Variants in AK8 observed in about 807,000 individuals in gnomAD.
The protein encoded by AK8 is ATP-AMP transphosphorylase 8.
Under a neutral mutation model 54.6 loss-of-function variants are expected in AK8, and 44 were observed. The ratio of observed to expected loss-of-function variants is 0.81; its 90% CI spans 0.63 to 1.04. The LOEUF is 1.04. Among genes scored for constraint, AK8 ranks in the 50% least tolerant of loss-of-function variants. The pLI is 0.00. For missense variants in AK8, 555 were observed against 613.6 expected, an observed-to-expected ratio of 0.90 and a Z score of 1.01; for synonymous variants, 239 against 245.6, an observed-to-expected ratio of 0.97 and a Z score of 0.25.
chr9:132,813,482 T>C (rs184792107), intron 10 of AK8, among the ~76,000 whole-genome samples: 9 of 152,358 alleles, frequency 5.9e-5, no homozygotes, highest in African/African-American at 7.2e-5. Flanking sequence ...CTCACTATAA[T>C]GGCAGCTGCT....
intron 11 of AK8, among the ~76,000 whole-genome samples, chr9:132,739,144 C>T (rs1477204889): frequency 1.3e-5 from 2 of 151,484 alleles, no homozygotes; most frequent in African/African-American, 4.8e-5. Context: ...AAAAAGACTG[C>T]AACATTAAGA....
chr9:132,825,347 C>T (rs1034397623), intron 8 of AK8, among the ~76,000 whole-genome samples: 1 of 152,184 alleles, frequency 6.6e-6, no homozygotes, highest in Non-Finnish European at 1.5e-5. Flanking sequence ...CAGACACTCA[C>T]ATTTTTATTT....
chr9:132,830,795 G>A (rs906847614), intron 5 of AK8, among the ~76,000 whole-genome samples: 2 of 152,176 alleles, frequency 1.3e-5, no homozygotes, highest in African/African-American at 4.8e-5. Flanking sequence ...CAAATGAATC[G>A]CTGCTTTCGT....
chr9:132,742,111 C>T (rs115102174), intron 11 of AK8, among the ~76,000 whole-genome samples: 1,744 of 151,974 alleles, frequency 0.011, 36 homozygotes, highest in African/African-American at 0.04. Context: ...CCAAACAGTG[C>T]TCCATTCTTT....
rs1156376930 is a variant in AK8 at position 132,828,662 on chromosome 9, A to AT, written c.466dup (p.Ile156AsnfsTer38). On this transcript the variant is annotated frameshift_variant, in exon 6 of 13. Coordinates refer to ENST00000298545, the MANE Select transcript of AK8 (RefSeq NM_152572.3). LOFTEE classifies it high-confidence loss of function. ...CTACTCACTGACGTGTCTGGGTGTGATCCCCAGGGTCTGGATCCTCAGAGC... is the reference window on the plus strand; with the variant it reads ...CTACTCACTGACGTGTCTGGGTGTGATTCCCCAGGGTCTGGATCCTCAGAGC... 6.2e-7 allele frequency: 1 copy of AT among 1,612,316 alleles called. No homozygotes were observed. Among genetic ancestry groups the AT allele is most frequent in the South Asian group, 1.1e-5 (1 of 90,426 alleles).
intron 10 of AK8, among the ~76,000 whole-genome samples, chr9:132,813,114 C>T (rs1841150539): frequency 7.8e-6 from 1 of 128,788 alleles, no homozygotes; most frequent in Non-Finnish European, 1.6e-5. Flanking sequence ...TCTGTGGCCA[C>T]CGCAGACACC....
intron 11 of AK8, among the ~76,000 whole-genome samples, chr9:132,753,688 A>G (rs532607284): frequency 6.6e-6 from 1 of 152,314 alleles, no homozygotes; most frequent in East Asian, 1.9e-4. Flanking sequence ...GCACCCTCGC[A>G]GTGAGGGGAT....
chr9:132,788,539 T>C (rs535957113), intron 11 of AK8, among the ~76,000 whole-genome samples: 6 of 152,226 alleles, frequency 3.9e-5, no homozygotes, highest in Non-Finnish European at 8.8e-5. Flanking sequence ...CTAAATAACA[T>C]AGCACCAAAA....
chr9:132,730,757 C>T (rs1488465327), intron 11 of AK8, among the ~76,000 whole-genome samples: 1 of 152,214 alleles, frequency 6.6e-6, no homozygotes, highest in East Asian at 1.9e-4. Context: ...CTGCTGACTA[C>T]ATGGAGAATG....
At position 132,799,604 on chromosome 9, in the gene AK8, C is replaced by T. The variant is rs1840346597; in HGVS notation, c.980-6829G>A. Reference sequence around the variant, plus strand: ...TCATGCACTCAGCTACAAACACACACACACACACACCACACACCCCCACAC... The same window carrying T: ...TCATGCACTCAGCTACAAACACACATACACACACACCACACACCCCCACAC... On this transcript the variant is annotated intron_variant, in intron 10 of 12. Transcript: ENST00000298545. The surrounding 1 kb of genome is among the most constrained non-coding windows in gnomAD (Gnocchi z 5.0). Among the ~76,000 whole-genome samples, 1 of 151,936 alleles carries T rather than the reference C, an allele frequency of 6.6e-6. No individual in the cohort carries two copies. The highest frequency in any genetic ancestry group is 2.4e-5 in the African/African-American group (1 of 41,344).
chr9:132,875,220 C>G (rs375736487), intron 1 of AK8, 21 bp from the exon 2 acceptor site: 122 of 1,613,318 alleles, frequency 7.6e-5, no homozygotes, highest in Non-Finnish European at 9.7e-5. Context: ...AGGGCAGACA[C>G]CCAGGTGGTT....
At chr9:132,853,670 C>T (rs1843056136) in intron 5 of AK8, among the ~76,000 whole-genome samples, 2 of 149,644 alleles carry the variant, frequency 1.3e-5, no homozygotes, top group Admixed American at 6.8e-5. Context: ...CCTGCAGTTC[C>T]AGCTACTGGG....
chr9:132,738,938 T>A (rs1348245159), intron 11 of AK8, among the ~76,000 whole-genome samples: 2 of 151,582 alleles, frequency 1.3e-5, no homozygotes, highest in African/African-American at 4.8e-5. Context: ...ATTTTTAATT[T>A]TGTAGAGACT....
chr9:132,743,899 G>A (rs971885387), intron 11 of AK8, among the ~76,000 whole-genome samples: 5 of 152,184 alleles, frequency 3.3e-5, no homozygotes, highest in African/African-American at 7.2e-5. Context: ...AGGACACTCC[G>A]TTGCTGCTCC....
intron 4 of AK8, among the ~76,000 whole-genome samples, chr9:132,857,762 G>A (rs79674253): frequency 0.018 from 2,725 of 152,310 alleles, 94 homozygotes; most frequent in African/African-American, 0.062. Context: ...GGACAGCCCC[G>A]GTGGGGCACA....
At chr9:132,750,494 C>T (rs964448644) in intron 11 of AK8, among the ~76,000 whole-genome samples, 1 of 151,914 alleles carries the variant, frequency 6.6e-6, no homozygotes, top group Admixed American at 6.6e-5. Context: ...ACCTCTGTGG[C>T]CTTCCCAGCA....
intron 5 of AK8, among the ~76,000 whole-genome samples, chr9:132,844,339 C>G (rs1347807415): frequency 6.6e-6 from 1 of 151,792 alleles, no homozygotes; most frequent in Non-Finnish European, 1.5e-5. Flanking sequence ...AGAAACGACC[C>G]CCCTGCATTA....
intron 9 of AK8, among the ~76,000 whole-genome samples, chr9:132,817,041 T>C (rs987039397): frequency 2.0e-5 from 3 of 152,178 alleles, no homozygotes; most frequent in Admixed American, 1.3e-4. Flanking sequence ...TGGGAAGCTG[T>C]GAACTGAATG....
chr9:132,780,394 C>A (rs1316533181), intron 11 of AK8, among the ~76,000 whole-genome samples: 1 of 152,158 alleles, frequency 6.6e-6, no homozygotes, highest in Non-Finnish European at 1.5e-5. Flanking sequence ...CCTCCCTCCC[C>A]TCGGCAGCTC....
Sources: allele counts gnomAD v4.1 joint callset (sites outside exome capture counted in the v4.1 genomes callset), GRCh38; gene constraint gnomAD v4.1.1; non-coding constraint Gnocchi (gnomAD v3.1); transcripts MANE v1.5; gene names NCBI Gene and HGNC (gene_info 2026-07-23, HGNC 2026-07-21).